GLT1D1: variants seen among roughly 807,000 people sequenced by gnomAD.
GLT1D1 encodes glycosyltransferase 1 domain containing 1, also known as glycosyltransferase 1 domain-containing protein 1.
GLT1D1 carries 21 observed loss-of-function variants against 28.7 expected under a neutral mutation model. That is an observed-to-expected ratio of 0.73 (90% CI 0.52 to 1.05). The LOEUF is 1.05. Among genes scored for constraint, GLT1D1 ranks in the 50% least tolerant of loss-of-function variants. GLT1D1 has a pLI of 0.00. For missense variants in GLT1D1, 343 were observed against 330.6 expected (o/e 1.04, Z -0.29); for synonymous variants, 147 against 124.8 (o/e 1.18, Z -1.19).
chr12:128,888,564 A>C (rs1252440272), intron 2 of GLT1D1, 75 bp from the exon 3 acceptor site: 22 of 955,932 alleles, frequency 2.3e-5, no homozygotes, highest in Non-Finnish European at 3.4e-5. Context: ...AGTGTTTAAG[A>C]TCCTTGCTTG....
chr12:128,974,345 C>A (rs1037578974), intron 7 of GLT1D1, among the ~76,000 whole-genome samples: 1 of 152,118 alleles, frequency 6.6e-6, no homozygotes, highest in African/African-American at 2.4e-5. Context: ...CACAGCAATG[C>A]CTTTGAGCCA....
chr12:128,980,924 G>C (rs1207855125), intron 7 of GLT1D1, among the ~76,000 whole-genome samples: 5 of 152,198 alleles, frequency 3.3e-5, no homozygotes, highest in Admixed American at 6.5e-5. Context: ...GGCCATCTTT[G>C]CAAACCATCT....
chr12:128,874,669 A>G (rs745535413), intron 1 of GLT1D1, among the ~76,000 whole-genome samples: 2 of 151,836 alleles, frequency 1.3e-5, no homozygotes, highest in African/African-American at 2.4e-5. Flanking sequence ...TTTTTTATAG[A>G]GACAGGGTTT....
intron 4 of GLT1D1, among the ~76,000 whole-genome samples, chr12:128,900,992 A>G (rs1870192921): frequency 6.6e-6 from 1 of 152,166 alleles, no homozygotes; most frequent in African/African-American, 2.4e-5. Context: ...AGTGGTTACC[A>G]AAATGGGGTC....
At chr12:128,968,793 A>G (rs1372349934) in intron 7 of GLT1D1, among the ~76,000 whole-genome samples, 3 of 152,058 alleles carry the variant, frequency 2.0e-5, no homozygotes, top group Non-Finnish European at 4.4e-5. Context: ...TGAGCTAGAG[A>G]GGGTGGGTCC....
chr12:128,922,507 C>T (rs1273646722), intron 4 of GLT1D1, among the ~76,000 whole-genome samples: 1 of 152,170 alleles, frequency 6.6e-6, no homozygotes, highest in Non-Finnish European at 1.5e-5. Flanking sequence ...ATTCAAATGC[C>T]TAACCTCAAA....
chr12:128,909,742 C>T (rs755999680), intron 4 of GLT1D1, among the ~76,000 whole-genome samples: 3 of 152,166 alleles, frequency 2.0e-5, no homozygotes, highest in Non-Finnish European at 4.4e-5. Context: ...GTCCTTGGGT[C>T]TGTTAGAAGT....
intron 5 of GLT1D1, 114 bp from the exon 10 acceptor site, chr12:128,947,224 A>G (rs1876218378): frequency 1.7e-6 from 2 of 1,203,098 alleles, no homozygotes; most frequent in African/African-American, 1.5e-5. Context: ...CTTGGTCAAC[A>G]ATGCTTACTT....
intron 7 of GLT1D1, among the ~76,000 whole-genome samples, chr12:128,963,477 T>G (rs946759767): frequency 4.6e-5 from 7 of 152,002 alleles, no homozygotes; most frequent in Non-Finnish European, 1.0e-4. Context: ...TGAATCCCCA[T>G]CTCTACTAAA....
intron 7 of GLT1D1, among the ~76,000 whole-genome samples, chr12:128,968,246 C>T (rs547417157): frequency 2.6e-5 from 4 of 151,812 alleles, no homozygotes; most frequent in African/African-American, 7.3e-5. Flanking sequence ...CCGCCTGCCT[C>T]GGCCTCCCAA....
chr12:128,906,971 A>G (rs768649177), intron 4 of GLT1D1: 15 of 702,432 alleles, frequency 2.1e-5, no homozygotes, highest in Non-Finnish European at 3.6e-5. Flanking sequence ...TCCACAAGTC[A>G]GTGCAGATGT....
At chr12:128,864,224 C>T (rs539726608) in intron 1 of GLT1D1, 110 of 613,020 alleles carry the variant, frequency 1.8e-4, no homozygotes, top group African/African-American at 1.3e-3. Context: ...ACGGGCACTC[C>T]GAGAGGCTTC....
At chr12:128,939,447 C>G (rs1028843100) in intron 4 of GLT1D1, among the ~76,000 whole-genome samples, 12 of 149,578 alleles carry the variant, frequency 8.0e-5, no homozygotes, top group African/African-American at 3.0e-4. Flanking sequence ...CTCAGCCGGG[C>G]ACAGTGGCTC....
At chr12:128,924,351 G>C (rs1158493428) in intron 4 of GLT1D1, among the ~76,000 whole-genome samples, 1 of 151,628 alleles carries the variant, frequency 6.6e-6, no homozygotes, top group Non-Finnish European at 1.5e-5. Flanking sequence ...TGCTTGAACC[G>C]GGGAGGTGGA....
intron 4 of GLT1D1, chr12:128,914,973 CT>C: frequency 6.5e-7 from 1 of 1,535,822 alleles, no homozygotes; most frequent in Non-Finnish European, 8.7e-7. Flanking sequence ...ACTGGAATAC[CT>C]TTCTTCAACG....
intron 1 of GLT1D1, among the ~76,000 whole-genome samples, chr12:128,868,489 G>A (rs889109461): frequency 3.9e-5 from 6 of 152,132 alleles, no homozygotes; most frequent in Non-Finnish European, 7.3e-5. Context: ...ATGGAGAAGG[G>A]AAATGGGAAA....
At chr12:128,939,014 C>T (rs1874844640) in intron 4 of GLT1D1, among the ~76,000 whole-genome samples, 1 of 152,104 alleles carries the variant, frequency 6.6e-6, no homozygotes, top group African/African-American at 2.4e-5. Flanking sequence ...TAGGAAGGTC[C>T]TCTCAGCACC....
intron 7 of GLT1D1, among the ~76,000 whole-genome samples, chr12:128,976,097 A>C (rs952466836): frequency 2.0e-5 from 3 of 152,264 alleles, no homozygotes; most frequent in African/African-American, 7.2e-5. Flanking sequence ...AAAGTACCAC[A>C]GTCAGATGCA....
intron 2 of GLT1D1, among the ~76,000 whole-genome samples, chr12:128,886,075 G>T (rs1167941477): frequency 6.6e-6 from 1 of 152,160 alleles, no homozygotes; most frequent in Non-Finnish European, 1.5e-5. Context: ...ATAAAGGGGA[G>T]TTTCCCTGCA....
Sources: gnomAD v4.1 joint callset for allele counts (sites outside exome capture counted in the v4.1 genomes callset) on GRCh38, gnomAD v4.1.1 for gene constraint, MANE v1.5 for transcripts, NCBI Gene and HGNC (gene_info 2026-07-23, HGNC 2026-07-21) for gene names.